AFG2A: variants seen among roughly 807,000 people sequenced by gnomAD.
AFG2A encodes ATPase family gene 2 protein homolog A.
At chr4:123,006,445 GA>G in the AFG2A span, among the ~76,000 whole-genome samples, 17 of 149,614 alleles carry the variant, frequency 1.1e-4, no homozygotes, top group African/African-American at 1.5e-4. Context: ...AGTCAAATTT[GA>G]AAAAAAAAAT....
At chr4:122,939,670 G>A in the AFG2A span, among the ~76,000 whole-genome samples, 5 of 151,432 alleles carry the variant, frequency 3.3e-5, no homozygotes, top group Non-Finnish European at 7.4e-5. Context: ...TAGGGTACAT[G>A]TGCACAATGT....
At chr4:122,927,636 G>T in the AFG2A span, 3 of 1,604,980 alleles carry the variant, frequency 1.9e-6, no homozygotes, top group African/African-American at 4.0e-5. Flanking sequence ...CTTCATAGTA[G>T]ATGACAAAAT....
At chr4:123,178,367 A>G in the AFG2A span, among the ~76,000 whole-genome samples, 1 of 152,200 alleles carries the variant, frequency 6.6e-6, no homozygotes, top group Non-Finnish European at 1.5e-5. Flanking sequence ...TAAATCCATA[A>G]CAGATCCCCA....
At chr4:123,047,700 T>C in the AFG2A span, among the ~76,000 whole-genome samples, 1 of 129,748 alleles carries the variant, frequency 7.7e-6, no homozygotes, top group African/African-American at 2.5e-5. Flanking sequence ...TATGTTTAAG[T>C]GCTTTTTTTT....
the AFG2A span, among the ~76,000 whole-genome samples, chr4:123,050,597 G>C: frequency 5.3e-3 from 800 of 152,020 alleles, 7 homozygotes; most frequent in African/African-American, 0.018. Flanking sequence ...CTTAAAATCT[G>C]TTTTATCTGA....
At chr4:123,034,896 T>A in the AFG2A span, among the ~76,000 whole-genome samples, 1 of 152,214 alleles carries the variant, frequency 6.6e-6, no homozygotes. Flanking sequence ...AGTTCTGTAC[T>A]GCAGTGAACA....
the AFG2A span, chr4:122,934,176 G>A: frequency 5.3e-5 from 86 of 1,614,092 alleles, no homozygotes; most frequent in African/African-American, 9.9e-4. Context: ...TATTGCGAGT[G>A]AAAGGGGCAG....
At chr4:123,228,701 G>T in the AFG2A span, among the ~76,000 whole-genome samples, 1 of 151,964 alleles carries the variant, frequency 6.6e-6, no homozygotes, top group Non-Finnish European at 1.5e-5. Flanking sequence ...AGAAAATGAG[G>T]CTAAGAGAAG....
the AFG2A span, chr4:123,256,160 G>A: frequency 3.3e-5 from 53 of 1,614,018 alleles, no homozygotes; most frequent in Non-Finnish European, 4.4e-5. Flanking sequence ...CCTTCAAACC[G>A]ACGCATACTC....
At chr4:122,961,233 C>T in the AFG2A span, among the ~76,000 whole-genome samples, 1 of 152,118 alleles carries the variant, frequency 6.6e-6, no homozygotes, top group African/African-American at 2.4e-5. Context: ...TTTCTTCTTT[C>T]GCCTCTGGAA....
the AFG2A span, among the ~76,000 whole-genome samples, chr4:122,986,762 T>C: frequency 2.0e-5 from 3 of 152,186 alleles, no homozygotes; most frequent in Admixed American, 2.0e-4. Context: ...AAAATACTAA[T>C]AATTAAAAAA....
chr4:123,247,580 T>G, the AFG2A span, among the ~76,000 whole-genome samples: 6 of 62,334 alleles, frequency 9.6e-5, no homozygotes, highest in East Asian at 2.3e-3. Flanking sequence ...CGGCTAATTT[T>G]TATGTTTGTT....
chr4:123,276,503 A>G, the AFG2A span, among the ~76,000 whole-genome samples: 2 of 152,040 alleles, frequency 1.3e-5, no homozygotes, highest in East Asian at 3.8e-4. Flanking sequence ...CCATTTGTCA[A>G]TTTTTGTTTT....
chr4:122,923,127 AG>A, the AFG2A span: 3 of 1,613,854 alleles, frequency 1.9e-6, no homozygotes, highest in African/African-American at 2.7e-5. Flanking sequence ...TGCTTCGGCT[AG>A]GGTACCTTGT....
At chr4:123,096,376 A>G in the AFG2A span, among the ~76,000 whole-genome samples, 1 of 152,070 alleles carries the variant, frequency 6.6e-6, no homozygotes, top group Admixed American at 6.6e-5. Context: ...ACAAACAACT[A>G]ATTTATTAAT....
the AFG2A span, among the ~76,000 whole-genome samples, chr4:123,167,255 T>C: frequency 6.7e-6 from 1 of 149,526 alleles, no homozygotes; most frequent in Non-Finnish European, 1.5e-5. Flanking sequence ...AATATACTTA[T>C]ATGTAGGTAT....
the AFG2A span, among the ~76,000 whole-genome samples, chr4:122,973,634 CTTA>C: frequency 3.3e-5 from 5 of 151,992 alleles, no homozygotes; most frequent in African/African-American, 1.2e-4. Context: ...CAGATGTTTA[CTTA>C]TTATTTGGGT....
chr4:123,032,107 A>G, the AFG2A span, among the ~76,000 whole-genome samples: 1 of 152,242 alleles, frequency 6.6e-6, no homozygotes, highest in Non-Finnish European at 1.5e-5. Context: ...AAATGTGGTT[A>G]GGTCTTTGAC....
At chr4:123,228,718 G>A in the AFG2A span, among the ~76,000 whole-genome samples, 3 of 152,078 alleles carry the variant, frequency 2.0e-5, no homozygotes, top group East Asian at 3.9e-4. Flanking sequence ...GAAGCCAAGG[G>A]ACTTGGCTAA....
Sources: allele counts gnomAD v4.1 joint callset (sites outside exome capture counted in the v4.1 genomes callset), GRCh38; gene constraint gnomAD v4.1.1; transcripts MANE v1.5; gene names NCBI Gene and HGNC (gene_info 2026-07-23, HGNC 2026-07-21).